Variants in ECPAS observed in about 807,000 individuals in gnomAD.
ECPAS encodes the protein Ecm29 proteasome adaptor and scaffold.
A neutral mutation model predicts 255.1 loss-of-function variants in ECPAS; 70 were observed. The observed-to-expected ratio is 0.27, with a 90% CI of 0.23 to 0.33. The LOEUF (loss-of-function observed/expected upper bound fraction) is 0.33, where lower values mean the gene tolerates loss of function less well. Ranked by LOEUF, ECPAS falls within the 10% of genes least tolerant of loss-of-function variation. The pLI is 1.00. For missense variants in ECPAS, 1,817 were observed against 2,206.4 expected (o/e 0.82, Z 3.54); for synonymous variants, 784 against 775.0 (o/e 1.01, Z -0.19).
intron 2 of ECPAS, among the ~76,000 whole-genome samples, chr9:111,463,189 T>G (rs2098275275): frequency 6.6e-6 from 1 of 152,246 alleles, no homozygotes; most frequent in Non-Finnish European, 1.5e-5. Flanking sequence ...TACAGTCGGC[T>G]GATAGAGCCA....
At chr9:111,441,222 G>T (rs893136776) in intron 5 of ECPAS, among the ~76,000 whole-genome samples, 8 of 150,808 alleles carry the variant, frequency 5.3e-5, no homozygotes, top group Non-Finnish European at 1.2e-4. Context: ...AATTATTTTC[G>T]GTCAGGCACA....
intron 2 of ECPAS, among the ~76,000 whole-genome samples, chr9:111,459,068 T>G (rs1206589411): frequency 1.3e-5 from 2 of 152,188 alleles, no homozygotes; most frequent in African/African-American, 4.8e-5. Context: ...TGAAGTCGAT[T>G]CAGTCTAGTG....
intron 3 of ECPAS, among the ~76,000 whole-genome samples, chr9:111,444,703 A>C (rs1230061537): frequency 7.2e-5 from 11 of 152,072 alleles, no homozygotes; most frequent in Non-Finnish European, 1.6e-4. Flanking sequence ...TGCACTAGTG[A>C]ATTTCTCTTT....
chr9:111,419,924 C>T, intron 16 of ECPAS, 93 bp downstream of exon 16: 1 of 935,760 alleles, frequency 1.1e-6, no homozygotes, highest in South Asian at 1.4e-5. Context: ...TTCTAAATTT[C>T]ATAGACCAAC....
intron 2 of ECPAS, among the ~76,000 whole-genome samples, chr9:111,469,385 T>A (rs1313014366): frequency 6.6e-6 from 1 of 150,948 alleles, no homozygotes. Flanking sequence ...ATACAAAAAA[T>A]TAGCTGGGCG....
intron 8 of ECPAS, among the ~76,000 whole-genome samples, chr9:111,431,236 C>A (rs1358418691): frequency 6.6e-6 from 1 of 152,038 alleles, no homozygotes; most frequent in African/African-American, 2.4e-5. Flanking sequence ...CTATTTGGGC[C>A]CCACAATAAG....
intron 2 of ECPAS, among the ~76,000 whole-genome samples, chr9:111,472,565 G>C (rs954880038): frequency 2.6e-5 from 4 of 151,478 alleles, no homozygotes; most frequent in Non-Finnish European, 5.9e-5. Flanking sequence ...CTTGAGCCTT[G>C]GGAGATCAAG....
At chr9:111,425,910 C>T (rs1361680157) in intron 10 of ECPAS, 82 bp from the exon 11 acceptor site, 26 of 682,716 alleles carry the variant, frequency 3.8e-5, no homozygotes, top group Non-Finnish European at 5.9e-5. Context: ...AATTCAGCAG[C>T]AGACCTTTCA....
At chr9:111,417,437 G>A (rs543469212) in intron 17 of ECPAS, among the ~76,000 whole-genome samples, 1 of 151,998 alleles carries the variant, frequency 6.6e-6, no homozygotes, top group Non-Finnish European at 1.5e-5. Flanking sequence ...CTTATTGTAA[G>A]TATTAATGCT....
rs558356718 is a variant in ECPAS, at chr9:111,366,031, A to C, written c.5308+208T>G. ...AATTTTGTAAAAATACTTGTCACGAAGGTTTTTCTAAACTAGATGCTAAAA... is the reference window on the plus strand; with the variant it reads ...AATTTTGTAAAAATACTTGTCACGACGGTTTTTCTAAACTAGATGCTAAAA... On this transcript the variant is annotated intron_variant, in intron 48 of 49. Transcript: ENST00000684092. The C allele has an allele frequency of 5.7e-6, 3 of 527,656 alleles. No homozygotes were observed. The African/African-American group carries it at 5.7e-5, about 10-fold the overall frequency. The allele number at this position is 527,656 out of a possible 1,614,324, so 32.7% of individuals were successfully genotyped here.
intron 31 of ECPAS, 80 bp downstream of exon 31, chr9:111,389,476 T>C: frequency 8.1e-7 from 1 of 1,241,094 alleles, no homozygotes; most frequent in Non-Finnish European, 1.1e-6. Context: ...GAAAGGAAGA[T>C]GGACACTGGG....
At chr9:111,443,090 C>T (rs1029808202) in intron 4 of ECPAS, among the ~76,000 whole-genome samples, 8 of 152,136 alleles carry the variant, frequency 5.3e-5, no homozygotes, top group Middle Eastern at 3.2e-3. Flanking sequence ...GTAAGTATAA[C>T]GTAAATATTC....
Position 111,423,170 on chromosome 9 carries a change from T to C in ECPAS, c.1265+29A>G, listed in dbSNP as rs761973619. 68 of 1,488,360 alleles carry C rather than the reference T, an allele frequency of 4.6e-5. No individual in the cohort carries two copies. The Middle Eastern group carries it at 8.5e-4, about 19-fold the overall frequency. 92.2% of individuals were successfully genotyped at this position (1,488,360 alleles called of 1,614,324 possible). ...AATTTTTCTCTGTTTACCAACACCA[T>C]ATCTCTCACTAAAAAAGAGTTTACT... On this transcript the variant is annotated intron_variant, in intron 13 of 49. Transcript: ENST00000684092.
At chr9:111,473,372 A>G (rs2098291748) in intron 1 of ECPAS, among the ~76,000 whole-genome samples, 1 of 152,222 alleles carries the variant, frequency 6.6e-6, no homozygotes, top group Non-Finnish European at 1.5e-5. Flanking sequence ...TTTTATAAGA[A>G]GTGTTACTAA....
At chr9:111,448,957 T>A (rs1252198069) in intron 3 of ECPAS, among the ~76,000 whole-genome samples, 3 of 152,094 alleles carry the variant, frequency 2.0e-5, no homozygotes, top group Non-Finnish European at 4.4e-5. Context: ...AAATAAAGAA[T>A]AAAGCATTTA....
chr9:111,382,450 T>G (rs2098141851), intron 35 of ECPAS, among the ~76,000 whole-genome samples: 1 of 151,894 alleles, frequency 6.6e-6, no homozygotes, highest in Non-Finnish European at 1.5e-5. Flanking sequence ...GTATTTTTAG[T>G]AGAGATGGGG....
chr9:111,409,073 T>C (rs1364979256), intron 23 of ECPAS, among the ~76,000 whole-genome samples: 1 of 152,180 alleles, frequency 6.6e-6, no homozygotes, highest in African/African-American at 2.4e-5. Context: ...TTATCTCACA[T>C]AGAGATGACA....
rs115671379 is a variant in ECPAS, at chr9:111,441,719, T to C, written c.389+587A>G. ...TCTATTAATTTTACTTGTAAACTTC[T>C]TCTGTATTACAGTATTTTTTAAAAA... On this transcript the variant is annotated intron_variant, in intron 5 of 49. Coordinates refer to ENST00000684092, the MANE Select transcript of ECPAS (RefSeq NM_001364929.1). Among the ~76,000 whole-genome samples the C allele has an allele frequency of 2.8e-3, 431 of 152,318 alleles. 5 individuals carry two copies. The highest frequency in any genetic ancestry group is 1.0e-2 in the African/African-American group (414 of 41,558).
intron 2 of ECPAS, among the ~76,000 whole-genome samples, chr9:111,468,086 G>A (rs2098281691): frequency 6.6e-6 from 1 of 152,054 alleles, no homozygotes; most frequent in Non-Finnish European, 1.5e-5. Context: ...GGAGGCAGAG[G>A]TTGCAGTGAG....
Sources: gnomAD v4.1 joint callset for allele counts (sites outside exome capture counted in the v4.1 genomes callset) on GRCh38, gnomAD v4.1.1 for gene constraint, MANE v1.5 for transcripts, NCBI Gene and HGNC (gene_info 2026-07-23, HGNC 2026-07-21) for gene names.